METTL15: variants seen among roughly 807,000 people sequenced by gnomAD.
The protein encoded by METTL15 is 12S rRNA N(4)-cytidine methyltransferase METTL15.
A neutral mutation model predicts 38.3 loss-of-function variants in METTL15; 34 were observed. The ratio of observed to expected loss-of-function variants is 0.89; its 90% confidence interval spans 0.68 to 1.18. The LOEUF (loss-of-function observed/expected upper bound fraction) is 1.18, where lower values mean the gene tolerates loss of function less well. Ranked by LOEUF, METTL15 falls within the 50% of genes most tolerant of loss-of-function variation. The pLI, the probability that METTL15 is intolerant of heterozygous loss-of-function variation, is 0.00. For synonymous variants in METTL15, 162 were observed against 170.9 expected (o/e 0.95, Z 0.41); for missense variants, 438 against 498.4 (o/e 0.88, Z 1.15).
Position 28,291,937 on chromosome 11 carries a change from A to G in METTL15, c.599+1540A>G, listed in dbSNP as rs1474669352. On this transcript the variant is annotated intron_variant, in intron 5 of 6. Transcript: ENST00000407364. ...ACTGAGAATTTAAAATTAATACCTAATGGATGAAATTAGAGTTAAGTAAAT... is the reference window on the plus strand; with the variant it reads ...ACTGAGAATTTAAAATTAATACCTAGTGGATGAAATTAGAGTTAAGTAAAT... Among the ~76,000 whole-genome samples, 4 of 152,132 alleles carry G rather than the reference A, an allele frequency of 2.6e-5. No homozygotes were observed. In the East Asian group the frequency reaches 5.8e-4, roughly 22 times the overall value.
At chr11:28,241,574 A>G (rs1238355092) in intron 4 of METTL15, among the ~76,000 whole-genome samples, 3 of 151,996 alleles carry the variant, frequency 2.0e-5, no homozygotes, top group Admixed American at 6.6e-5. Flanking sequence ...GAGAAAAGCA[A>G]AGGGGATTGG....
At chr11:28,504,324 G>A (rs1851609909) in intron 6 of METTL15, among the ~76,000 whole-genome samples, 1 of 152,100 alleles carries the variant, frequency 6.6e-6, no homozygotes, top group African/African-American at 2.4e-5. Context: ...GAGCTAGTAG[G>A]GCTGGGGCAA....
In METTL15 at chr11:28,266,965, G is replaced by A. The variant is rs767717257; in HGVS notation, c.408-23241G>A. ...ACTTGAGGTCAAGAGTTCGAGACCA[G>A]CCTGGCCAACATGGTGAAACCCCAT... On this transcript the variant is annotated intron_variant, in intron 4 of 6. Coordinates refer to ENST00000407364, the MANE Select transcript of METTL15 (RefSeq NM_001113528.2). Among the ~76,000 whole-genome samples, 4 of 152,074 alleles carry A rather than the reference G, an allele frequency of 2.6e-5. No homozygotes were observed. The South Asian group carries it at 6.2e-4, about 24-fold the overall frequency.
At chr11:28,158,175 C>CT (rs1008251485) in intron 3 of METTL15, among the ~76,000 whole-genome samples, 2 of 152,162 alleles carry the variant, frequency 1.3e-5, no homozygotes, top group Admixed American at 1.3e-4. Flanking sequence ...GGATGGACCT[C>CT]TTTAAGTGGT....
intron 3 of METTL15, among the ~76,000 whole-genome samples, chr11:28,128,832 C>T (rs1279013966): frequency 6.6e-6 from 1 of 152,082 alleles, no homozygotes; most frequent in Non-Finnish European, 1.5e-5. Flanking sequence ...TGACCATCAA[C>T]TAAATTTTTT....
intron 4 of METTL15, among the ~76,000 whole-genome samples, chr11:28,278,431 T>C (rs1199869547): frequency 3.3e-5 from 5 of 152,168 alleles, no homozygotes; most frequent in Non-Finnish European, 1.5e-5. Context: ...TTAAAGTAAA[T>C]AAACTTCCCT....
chr11:28,479,481 G>A (rs1851377497), intron 6 of METTL15, among the ~76,000 whole-genome samples: 1 of 151,910 alleles, frequency 6.6e-6, no homozygotes, highest in Non-Finnish European at 1.5e-5. Flanking sequence ...CTAGTATTTG[G>A]GCCCTGAGAA....
intron 4 of METTL15, among the ~76,000 whole-genome samples, chr11:28,257,409 TA>T (rs1395558678): frequency 6.6e-6 from 1 of 152,196 alleles, no homozygotes; most frequent in Non-Finnish European, 1.5e-5. Context: ...AACTTTCTCG[TA>T]CTTGAAAATT....
chr11:28,393,546 A>G (rs1470002005), intron 5 of METTL15, among the ~76,000 whole-genome samples: 1 of 152,016 alleles, frequency 6.6e-6, no homozygotes, highest in Admixed American at 6.6e-5. Flanking sequence ...AAAATGATAA[A>G]ATGACCCGTG....
chr11:28,472,835 A>C (rs935537980), intron 6 of METTL15, among the ~76,000 whole-genome samples: 11 of 152,204 alleles, frequency 7.2e-5, no homozygotes, highest in Admixed American at 2.0e-4. Flanking sequence ...ATTCTTTGTG[A>C]TGCTATTCCT....
chr11:28,228,153 C>T (rs1377852379), intron 4 of METTL15, among the ~76,000 whole-genome samples: 2 of 151,832 alleles, frequency 1.3e-5, no homozygotes, highest in Admixed American at 6.6e-5. Flanking sequence ...AGAAGACTTT[C>T]GGTAATTACC....
intron 4 of METTL15, among the ~76,000 whole-genome samples, chr11:28,235,571 G>C (rs1853918174): frequency 2.0e-5 from 3 of 152,160 alleles, no homozygotes; most frequent in Non-Finnish European, 4.4e-5. Context: ...TGAAGCAATT[G>C]TGATTGGGAG....
intron 5 of METTL15, among the ~76,000 whole-genome samples, chr11:28,292,465 A>G (rs1856556324): frequency 6.6e-6 from 1 of 151,910 alleles, no homozygotes; most frequent in Non-Finnish European, 1.5e-5. Context: ...TCATTGTTGG[A>G]CATTTGGGTC....
intron 4 of METTL15, among the ~76,000 whole-genome samples, chr11:28,352,884 A>T (rs1355266919): frequency 6.6e-6 from 1 of 152,234 alleles, no homozygotes; most frequent in African/African-American, 2.4e-5. Context: ...ATATATATTC[A>T]TAGAACAATG....
intron 5 of METTL15, among the ~76,000 whole-genome samples, chr11:28,391,986 C>G (rs1564917666): frequency 6.6e-6 from 1 of 152,130 alleles, no homozygotes; most frequent in Non-Finnish European, 1.5e-5. Context: ...AACTAAAGAG[C>G]TTCTGCACAG....
chr11:28,485,281 C>T (rs1315743189), intron 6 of METTL15, among the ~76,000 whole-genome samples: 4 of 152,100 alleles, frequency 2.6e-5, no homozygotes, highest in African/African-American at 9.7e-5. Flanking sequence ...ATTATAATGT[C>T]AGGATGCTGG....
At chr11:28,250,316 C>T (rs1176155151) in intron 4 of METTL15, among the ~76,000 whole-genome samples, 1 of 152,014 alleles carries the variant, frequency 6.6e-6, no homozygotes, top group East Asian at 1.9e-4. Context: ...TCCACAATGG[C>T]TAAACTAATT....
intron 3 of METTL15, among the ~76,000 whole-genome samples, chr11:28,128,645 A>C (rs1191310040): frequency 6.6e-6 from 1 of 152,050 alleles, no homozygotes; most frequent in African/African-American, 2.4e-5. Context: ...GTAAAAGTTG[A>C]AAAGTGAGCG....
chr11:28,323,806 C>G (rs1332113317), intron 6 of METTL15, among the ~76,000 whole-genome samples: 3 of 152,096 alleles, frequency 2.0e-5, no homozygotes, highest in Non-Finnish European at 4.4e-5. Flanking sequence ...ATAAAACTGT[C>G]AAGAGTCTTA....
Sources: allele counts gnomAD v4.1 joint callset (sites outside exome capture counted in the v4.1 genomes callset), GRCh38; gene constraint gnomAD v4.1.1; transcripts MANE v1.5; gene names NCBI Gene and HGNC (gene_info 2026-07-23, HGNC 2026-07-21).